EXTL3: variants seen among roughly 807,000 people sequenced by gnomAD.
The protein encoded by EXTL3 is exostosin-like 3.
Under a neutral mutation model 69.3 loss-of-function variants are expected in EXTL3, and 27 were observed. The ratio of observed to expected loss-of-function variants is 0.39; its 90% confidence interval spans 0.29 to 0.54. The LOEUF (loss-of-function observed/expected upper bound fraction) is 0.54. EXTL3 is among the 20% of genes least tolerant of loss of function. The pLI, the probability that EXTL3 is intolerant of heterozygous loss-of-function variation, is 0.69. For synonymous variants in EXTL3, 511 were observed against 499.4 expected, an observed-to-expected ratio of 1.02 and a Z score of -0.31; for missense variants, 1,003 against 1,231.8, an observed-to-expected ratio of 0.81 and a Z score of 2.78.
At chr8:28,668,459 G>A (rs548337765) in intron 1 of EXTL3, among the ~76,000 whole-genome samples, 2 of 150,094 alleles carry the variant, frequency 1.3e-5, no homozygotes, top group Admixed American at 6.7e-5. Context: ...AGCCTCACCA[G>A]TAGCTGGGAT....
upstream of EXTL3, among the ~76,000 whole-genome samples, chr8:28,621,300 G>A (rs987708405): frequency 3.3e-5 from 5 of 152,148 alleles, no homozygotes; most frequent in Admixed American, 1.3e-4. Flanking sequence ...CTTATAAAAG[G>A]GGGATATATT....
intron 1 of EXTL3, among the ~76,000 whole-genome samples, chr8:28,638,718 G>A (rs1806693845): frequency 6.6e-6 from 1 of 152,162 alleles, no homozygotes; most frequent in Non-Finnish European, 1.5e-5. Flanking sequence ...TGCAGTCTCT[G>A]CCTCCCGGGT....
Position 28,656,361 on chromosome 8 carries a change from C to A in EXTL3, c.-53+33551C>A, listed in dbSNP as rs1028950834. Among the ~76,000 whole-genome samples, 3 of 152,140 alleles carry A rather than the reference C, an allele frequency of 2.0e-5. No individual in the cohort carries two copies. In the East Asian group the frequency reaches 5.8e-4, roughly 29 times the overall value. On this transcript the variant is annotated intron_variant, in intron 1 of 6. Coordinates refer to the EXTL3 transcript ENST00000523149. ...AATTTTTGTATTTTTAGGATTTCACCATTGTTGCCCAGGCTGGTTTTAAAC... is the reference window on the plus strand; with the variant it reads ...AATTTTTGTATTTTTAGGATTTCACAATTGTTGCCCAGGCTGGTTTTAAAC...
chr8:28,716,632 C>G lies in EXTL3; in HGVS notation c.573C>G (p.Thr191=), dbSNP rs1208227331. ...TTGATTATTCTCGTTGCCCTCTCAC[C>G]TCTGGCTTCCCGGTCTACGTCTATG... ...NCFDYSRCPL[T]SGFPVYVYDS... The change falls in exon 3 of 7, where the codon ACC becomes ACG. Residue 191 remains threonine, a synonymous_variant. Transcript: ENST00000220562. The surrounding 1 kb of genome is among the most constrained non-coding windows in gnomAD (Gnocchi z 7.1). The G allele has an allele frequency of 1.2e-6, 2 of 1,614,254 alleles. No individual in the cohort carries two copies. The highest frequency in any genetic ancestry group is 8.5e-7 in the Non-Finnish European group (1 of 1,180,044).
intron 1 of EXTL3, among the ~76,000 whole-genome samples, chr8:28,654,794 AAACATTCAAACCTG>A (rs1806980038): frequency 6.6e-6 from 1 of 152,204 alleles, no homozygotes; most frequent in South Asian, 2.1e-4. Flanking sequence ...GTAATTCTGC[AAACATTCAAACCTG>A]AACATTCAAA....
intron 1 of EXTL3, among the ~76,000 whole-genome samples, chr8:28,635,880 T>C (rs1806646387): frequency 6.6e-6 from 1 of 152,188 alleles, no homozygotes; most frequent in African/African-American, 2.4e-5. Flanking sequence ...AATATAAGGA[T>C]AGAATTTTCT....
chr8:28,660,976 C>T lies in EXTL3; in HGVS notation c.-53+38166C>T, dbSNP rs376926247. Among the ~76,000 whole-genome samples, 9 of 147,396 alleles carry T rather than the reference C, an allele frequency of 6.1e-5. No homozygotes were observed. In the East Asian group the frequency reaches 8.0e-4, roughly 13 times the overall value. On this transcript the variant is annotated intron_variant, in intron 1 of 6. Coordinates refer to the EXTL3 transcript ENST00000523149. ...TTGCCCAGGCTGGAGTGCAGTGGCGCGATCTCTGCTCACTGCAAGCTCCGC... is the reference window on the plus strand; with the variant it reads ...TTGCCCAGGCTGGAGTGCAGTGGCGTGATCTCTGCTCACTGCAAGCTCCGC...
intron 1 of EXTL3, among the ~76,000 whole-genome samples, chr8:28,710,956 A>G (rs1801020447): frequency 6.6e-6 from 1 of 151,390 alleles, no homozygotes; most frequent in Non-Finnish European, 1.5e-5. Context: ...GTAGGTGTTT[A>G]TTTTTCTTTA....
At chr8:28,731,145 C>T in intron 3 of EXTL3, 78 bp from the exon 4 acceptor site, 1 of 1,586,878 alleles carries the variant, frequency 6.3e-7, no homozygotes. Flanking sequence ...CCATGGTCTC[C>T]TTGGACCTAA....
chr8:28,669,620 A>G (rs1296674488), intron 1 of EXTL3, among the ~76,000 whole-genome samples: 10 of 152,236 alleles, frequency 6.6e-5, no homozygotes, highest in Admixed American at 6.5e-4. Flanking sequence ...ATAGAAGCTC[A>G]AGACAAAAGA....
At chr8:28,708,198 A>C (rs1300618475) in intron 1 of EXTL3, among the ~76,000 whole-genome samples, 2 of 152,166 alleles carry the variant, frequency 1.3e-5, no homozygotes, top group Non-Finnish European at 2.9e-5. Context: ...TTCACTCTTC[A>C]GTCAGTAGGT....
upstream of EXTL3, among the ~76,000 whole-genome samples, chr8:28,698,879 A>C (rs551531404): frequency 6.6e-4 from 101 of 152,294 alleles, 1 homozygote; most frequent in Non-Finnish European, 1.2e-3. Flanking sequence ...CTGTAATCCC[A>C]GTTACTCGGG....
intron 1 of EXTL3, among the ~76,000 whole-genome samples, chr8:28,628,511 C>T (rs1806527708): frequency 6.6e-6 from 1 of 152,218 alleles, no homozygotes; most frequent in Non-Finnish European, 1.5e-5. Context: ...GCCTGGGCAG[C>T]AGAGCGAGAC....
intron 1 of EXTL3, among the ~76,000 whole-genome samples, chr8:28,677,255 T>A (rs1807402357): frequency 6.6e-6 from 1 of 152,148 alleles, no homozygotes; most frequent in Non-Finnish European, 1.5e-5. Context: ...CTAAAGCCGC[T>A]TTGAGGAAGA....
chr8:28,694,560 C>A (rs1466354843), intron 1 of EXTL3, among the ~76,000 whole-genome samples: 1 of 152,204 alleles, frequency 6.6e-6, no homozygotes, highest in Admixed American at 6.5e-5. Context: ...AACCTGGCAC[C>A]ACCACTTACT....
In EXTL3 at chr8:28,715,942, G is replaced by T. The variant is rs1295684461; in HGVS notation, c.-118G>T. ...TCATTTTATTTGGTGCCTTGTCTGG[G>T]GAGCACACTAACTCTTCTGGAAACG... On this transcript the variant is annotated 5_prime_UTR_variant, in exon 3 of 7. Transcript: ENST00000220562. 1.3e-6 allele frequency: 1 copy of T among 783,442 alleles called. No homozygotes were observed. Among genetic ancestry groups the T allele is most frequent in the African/African-American group, 1.7e-5 (1 of 58,558 alleles). The allele number at this position is 783,442 out of a possible 1,614,324, so 48.5% of individuals were successfully genotyped here.
downstream of EXTL3, among the ~76,000 whole-genome samples, chr8:28,756,325 AG>A (rs1190302147): frequency 2.0e-5 from 3 of 152,150 alleles, no homozygotes; most frequent in African/African-American, 7.2e-5. Context: ...TCCATATTCT[AG>A]AATTTCATAT....
At chr8:28,732,745 A>G (rs1332228322) in intron 4 of EXTL3, among the ~76,000 whole-genome samples, 1 of 152,032 alleles carries the variant, frequency 6.6e-6, no homozygotes, top group Non-Finnish European at 1.5e-5. Flanking sequence ...TTATTTTGAG[A>G]TGGAGTCTCA....
At chr8:28,663,332 G>A (rs914308805) in intron 1 of EXTL3, among the ~76,000 whole-genome samples, 6 of 152,188 alleles carry the variant, frequency 3.9e-5, no homozygotes, top group Non-Finnish European at 8.8e-5. Flanking sequence ...CCCCTCCCTC[G>A]CAGGCAAGGG....
Sources: gnomAD v4.1 joint callset for allele counts (sites outside exome capture counted in the v4.1 genomes callset) on GRCh38, gnomAD v4.1.1 for gene constraint, Gnocchi (gnomAD v3.1) non-coding constraint, MANE v1.5 for transcripts, NCBI Gene and HGNC (gene_info 2026-07-23, HGNC 2026-07-21) for gene names.